DPYD: variants seen among roughly 807,000 people sequenced by gnomAD.
DPYD encodes the protein dihydropyrimidine dehydrogenase [NADP(+)].
Under a neutral mutation model 116.2 loss-of-function variants are expected in DPYD, and 109 were observed. The ratio of observed to expected loss-of-function variants is 0.94; its 90% CI spans 0.80 to 1.10. The LOEUF is 1.10. Ranked by LOEUF, DPYD falls within the 50% of genes least tolerant of loss-of-function variation. The pLI is 0.00. For missense variants in DPYD, 1,302 were observed against 1,254.5 expected (o/e 1.04, Z -0.57); for synonymous variants, 440 against 432.0 (o/e 1.02, Z -0.23).
At chr1:97,639,896 A>C (rs1657787762) in intron 8 of DPYD, among the ~76,000 whole-genome samples, 3 of 152,186 alleles carry the variant, frequency 2.0e-5, no homozygotes, top group African/African-American at 7.2e-5. Flanking sequence ...TGCCTATTCA[A>C]GACAACATGG....
chr1:97,653,393 C>T (rs1024182980), intron 8 of DPYD, among the ~76,000 whole-genome samples: 1 of 151,456 alleles, frequency 6.6e-6, no homozygotes, highest in African/African-American at 2.4e-5. Flanking sequence ...CAACCTCCGA[C>T]TCCCGGGTTC....
In DPYD at chr1:97,233,870, T is replaced by A. The variant is rs545417729; in HGVS notation, c.2442+982A>T. On this transcript the variant is annotated intron_variant, in intron 19 of 22. Coordinates refer to ENST00000370192, the MANE Select transcript of DPYD (RefSeq NM_000110.4). ...AGTGGGAGGCACAGAGAAAAGTAAA[T>A]CTATTCCATCTTCTTGGAAGCAGAA... is the stretch of plus-strand genomic sequence containing the variant. 4.4e-4 allele frequency among the ~76,000 whole-genome samples: 67 copies of A among 152,290 alleles called. No individual in the cohort carries two copies. The South Asian group carries it at 0.014, about 32-fold the overall frequency.
At chr1:97,902,937 T>C (rs1673435242) in intron 1 of DPYD, among the ~76,000 whole-genome samples, 1 of 151,904 alleles carries the variant, frequency 6.6e-6, no homozygotes, top group Non-Finnish European at 1.5e-5. Context: ...AGTTCCACGC[T>C]TTCTTTAAAC....
intron 2 of DPYD, among the ~76,000 whole-genome samples, chr1:97,849,189 G>A (rs1291174848): frequency 6.6e-6 from 1 of 151,958 alleles, no homozygotes; most frequent in African/African-American, 2.4e-5. Flanking sequence ...TATTTTAAAT[G>A]AACAAAGTTA....
At chr1:97,503,355 G>A (rs1030956782) in intron 13 of DPYD, among the ~76,000 whole-genome samples, 8 of 151,904 alleles carry the variant, frequency 5.3e-5, no homozygotes, top group African/African-American at 1.7e-4. Flanking sequence ...GCAATCTCAC[G>A]TAACTCCAAC....
chr1:97,596,887 C>T (rs1654924293), intron 8 of DPYD, among the ~76,000 whole-genome samples: 1 of 152,158 alleles, frequency 6.6e-6, no homozygotes, highest in African/African-American at 2.4e-5. Flanking sequence ...AAATGATTTC[C>T]ATTATGTAGT....
intron 12 of DPYD, among the ~76,000 whole-genome samples, chr1:97,532,887 C>G (rs1001365642): frequency 6.9e-6 from 1 of 145,308 alleles, no homozygotes; most frequent in Admixed American, 6.9e-5. Flanking sequence ...TATTTCCATC[C>G]TTCTGCTAAC....
Position 97,699,510 on chromosome 1 carries a change from G to A in DPYD, c.521C>T (p.Pro174Leu). Reference sequence around the variant, plus strand: ...CATTTTTTCTGGGGGAGGCAGCGAAGGATTTCTGATCTGTGGGATACTCAT... The same window carrying A: ...CATTTTTTCTGGGGGAGGCAGCGAAAGATTTCTGATCTGTGGGATACTCAT... The part of the protein sequence containing the change: ...KAMSIPQIRN[P>L]SLPPPEKMSE... The change falls in exon 6 of 23, where the codon CCT becomes CTT. Residue 174 changes from proline (P) to leucine (L), a missense_variant. By Grantham distance (98) the Pro-to-Leu change is moderately conservative. Coordinates refer to ENST00000370192, the MANE Select transcript of DPYD (RefSeq NM_000110.4). 6.2e-7 allele frequency: 1 copy of A among 1,613,444 alleles called. No homozygotes were observed. The highest frequency in any genetic ancestry group is 8.5e-7 in the Non-Finnish European group (1 of 1,179,554).
rs182721422 is a variant in DPYD, at chr1:97,372,212, T to C, written c.2058+1349A>G. ...GATTTAAAACCTCCGTAGTTGTTTC[T>C]ATCCATGTAGCTAAAAAATACTTCG... On this transcript the variant is annotated intron_variant, in intron 16 of 22. Transcript: ENST00000370192. 7.1e-4 allele frequency among the ~76,000 whole-genome samples: 108 copies of C among 152,320 alleles called. 1 individual carries two copies. The highest frequency in any genetic ancestry group is 2.5e-3 in the African/African-American group (105 of 41,578).
intron 16 of DPYD, among the ~76,000 whole-genome samples, chr1:97,343,697 A>AT (rs34953224): frequency 2.6e-5 from 4 of 151,864 alleles, no homozygotes; most frequent in Non-Finnish European, 5.9e-5. Context: ...TTCCATGAGA[A>AT]TTTTTTTTAA....
At chr1:97,729,055 A>T (rs573313115) in intron 4 of DPYD, among the ~76,000 whole-genome samples, 4 of 152,224 alleles carry the variant, frequency 2.6e-5, no homozygotes, top group African/African-American at 9.6e-5. Context: ...TTTATACAAT[A>T]TGATTCATTT....
intron 20 of DPYD, among the ~76,000 whole-genome samples, chr1:97,177,877 G>A (rs1657398331): frequency 6.6e-6 from 1 of 152,080 alleles, no homozygotes; most frequent in Non-Finnish European, 1.5e-5. Flanking sequence ...GTTCAAGATT[G>A]AGACGCTGGG....
intron 8 of DPYD, among the ~76,000 whole-genome samples, chr1:97,669,574 G>C (rs1015988327): frequency 5.9e-5 from 9 of 152,126 alleles, no homozygotes; most frequent in Non-Finnish European, 1.2e-4. Context: ...ATTTAATGCA[G>C]TCCCTTAAAA....
intron 2 of DPYD, among the ~76,000 whole-genome samples, chr1:97,829,317 T>C (rs536558693): frequency 6.6e-6 from 1 of 152,154 alleles, no homozygotes; most frequent in South Asian, 2.1e-4. Context: ...TTTTTAACCT[T>C]GATATTTTTT....
intron 8 of DPYD, among the ~76,000 whole-genome samples, chr1:97,615,281 T>TTCACACTTTC (rs1353944531): frequency 6.6e-6 from 1 of 152,162 alleles, no homozygotes; most frequent in Non-Finnish European, 1.5e-5. Flanking sequence ...TGTTCTATTA[T>TTCACACTTTC]TCACACTTTC....
chr1:97,341,078 C>T (rs1669565650), intron 16 of DPYD, among the ~76,000 whole-genome samples: 1 of 152,126 alleles, frequency 6.6e-6, no homozygotes, highest in Admixed American at 6.6e-5. Context: ...AGGAGGAGTA[C>T]CATGACATTA....
chr1:97,123,679 T>C (rs1009693667), intron 20 of DPYD, among the ~76,000 whole-genome samples: 9 of 152,194 alleles, frequency 5.9e-5, no homozygotes, highest in African/African-American at 2.2e-4. Flanking sequence ...TGGACACATA[T>C]ATATGAATGC....
intron 18 of DPYD, among the ~76,000 whole-genome samples, chr1:97,301,127 A>C (rs1222688074): frequency 1.4e-4 from 21 of 152,098 alleles, no homozygotes; most frequent in Admixed American, 1.3e-3. Flanking sequence ...ATATTCCATT[A>C]TAACTTATTT....
chr1:97,532,187 T>C (rs951658771), intron 12 of DPYD, among the ~76,000 whole-genome samples: 4 of 152,176 alleles, frequency 2.6e-5, no homozygotes, highest in Non-Finnish European at 4.4e-5. Context: ...TTGTGTATGT[T>C]GAACCATCTT....
Sources: allele counts gnomAD v4.1 joint callset (sites outside exome capture counted in the v4.1 genomes callset), GRCh38; gene constraint gnomAD v4.1.1; transcripts MANE v1.5; gene names NCBI Gene and HGNC (gene_info 2026-07-23, HGNC 2026-07-21).